The following EIF2D variants were observed in gnomAD, a reference collection of about 807,000 sequenced individuals.
EIF2D encodes the protein hepatocellular carcinoma-associated antigen 56.
A neutral mutation model predicts 77.4 loss-of-function variants in EIF2D; 56 were observed. That is an observed-to-expected ratio of 0.72 (90% CI 0.58 to 0.90). The LOEUF is 0.90. Ranked by LOEUF, EIF2D falls within the 40% of genes least tolerant of loss-of-function variation. The pLI is 0.00. For synonymous variants in EIF2D, 230 were observed against 271.0 expected (o/e 0.85, Z 1.49); for missense variants, 574 against 706.5 (o/e 0.81, Z 2.13).
At position 206,584,321 on chromosome 1, in the gene EIF2D, C is replaced by G; in HGVS notation, c.139-3159G>C. ...GTGGGTGCTGCTGGGGCAATGGCCC[C>G]GAGTGGCAGATATGATCATGCAAGG... On this transcript the variant is annotated intron_variant and NMD_transcript_variant, in intron 2 of 5. Coordinates refer to the EIF2D transcript ENST00000472709. This position sits in a 1 kb window ranked among gnomAD's most constrained non-coding sequence, Gnocchi z 4.9. The G allele has an allele frequency of 6.7e-7, 1 of 1,497,530 alleles. No homozygotes were observed. The highest frequency in any genetic ancestry group is 9.0e-7 in the Non-Finnish European group (1 of 1,108,170). 92.8% of individuals were successfully genotyped at this position (1,497,530 alleles called of 1,614,324 possible).
At chr1:206,583,681 A>G in intron 2 of EIF2D, 1 of 352,976 alleles carries the variant, frequency 2.8e-6, no homozygotes, top group East Asian at 6.7e-5. Context: ...CCAAGGGCCC[A>G]GTATTGCTTG....
chr1:206,583,243 C>G, intron 2 of EIF2D: 1 of 1,469,948 alleles, frequency 6.8e-7, no homozygotes, highest in Non-Finnish European at 9.5e-7. Flanking sequence ...ACTACACATC[C>G]ACCTCCACTT....
downstream of EIF2D, chr1:206,586,799 C>T: frequency 6.3e-7 from 1 of 1,589,230 alleles, no homozygotes; most frequent in Non-Finnish European, 8.6e-7. Flanking sequence ...TCTGTTTCTT[C>T]CCACAAATCT....
At chr1:206,595,525 G>A (rs1423207471) in intron 13 of EIF2D, 193 bp downstream of exon 13, 1 of 482,082 alleles carries the variant, frequency 2.1e-6, no homozygotes, top group Admixed American at 3.8e-5. Context: ...ATCCTAGAGG[G>A]CAGTGAGTGA....
intron 1 of EIF2D, 26 bp downstream of exon 1, chr1:206,612,261 C>A: frequency 1.2e-6 from 2 of 1,614,196 alleles, no homozygotes; most frequent in Non-Finnish European, 1.7e-6. Flanking sequence ...TGTTCCGTGG[C>A]AGAGCAGGCC....
chr1:206,582,299 G>C lies in EIF2D; in HGVS notation c.139-1137C>G, dbSNP rs1572368569. On this transcript the variant is annotated intron_variant and NMD_transcript_variant, in intron 2 of 5. Coordinates refer to the EIF2D transcript ENST00000472709. ...TCATTGTTCACTTATCCTTCCCAGG[G>C]GGTGGGAGGAGGAGGGCATCTGGGA... 3.3e-5 allele frequency among the ~76,000 whole-genome samples: 5 copies of C among 152,274 alleles called. No homozygotes were observed. The South Asian group carries it at 1.0e-3, about 32-fold the overall frequency.
chr1:206,589,729 C>T (rs1558527982), downstream of EIF2D, among the ~76,000 whole-genome samples: 1 of 152,212 alleles, frequency 6.6e-6, no homozygotes, highest in South Asian at 2.1e-4. Context: ...CCAAAACAAA[C>T]AGTCCTTTCA....
chr1:206,597,345 T>C (rs1166065773), intron 11 of EIF2D, 150 bp from the exon 12 acceptor site: 12 of 587,262 alleles, frequency 2.0e-5, no homozygotes, highest in Admixed American at 5.9e-5. Context: ...ATGTACCTTA[T>C]GGGTGGGAGA....
chr1:206,585,254 C>G, intron 2 of EIF2D: 1 of 1,614,160 alleles, frequency 6.2e-7, no homozygotes, highest in African/African-American at 1.3e-5. Context: ...CACGGAGGTC[C>G]TCAGCTTTGT....
At chr1:206,593,506 A>AGTGTGTGTGTGCGTGTGTGT (rs1286437460) in intron 14 of EIF2D, 113 bp downstream of exon 14, 19,134 of 439,026 alleles carry the variant, frequency 0.044, 765 homozygotes, top group Middle Eastern at 0.065. Context: ...AGAGAGAGAG[A>AGTGTGTGTGTGCGTGTGTGT]GAGTGTGTGT....
Position 206,605,485 on chromosome 1 carries a change from C to G in EIF2D, c.445G>C (p.Ala149Pro). ...AGCATCTCAGCTGTGGACATGGCTG[C>G]AACTCCAATGGCTACAGGGGCTCTA... ...GNRAPVAIGV[A>P]AMSTAEMLTS... Residue 149 changes from alanine to proline, a missense_variant, in exon 5 of 15, where the codon GCA becomes CCA. Transcript: ENST00000271764. The G allele has an allele frequency of 1.9e-6, 3 of 1,614,072 alleles. No individual in the cohort carries two copies. The highest frequency in any genetic ancestry group is 2.5e-6 in the Non-Finnish European group (3 of 1,179,978).
chr1:206,583,651 G>C, intron 2 of EIF2D: 1 of 426,276 alleles, frequency 2.3e-6, no homozygotes, highest in Non-Finnish European at 4.4e-6. Flanking sequence ...TAAACTAAGT[G>C]ATTAAACGGT....
At position 206,605,490 on chromosome 1, in the gene EIF2D, C is replaced by A. The variant is rs1182558189; in HGVS notation, c.440G>T (p.Gly147Val). The part of the protein sequence containing the change: ...LVGNRAPVAI[G>V]VAAMSTAEML... ...CTCAGCTGTGGACATGGCTGCAACT[C>A]CAATGGCTACAGGGGCTCTAAGAAG... The change falls in exon 5 of 15, where the codon GGA (glycine) becomes GTA (valine). Residue 147 changes from glycine (G) to valine (V), a missense_variant. Coordinates refer to ENST00000271764, the MANE Select transcript of EIF2D (RefSeq NM_006893.3). The A allele has an allele frequency of 6.2e-7, 1 of 1,613,940 alleles. No individual in the cohort carries two copies. The highest frequency in any genetic ancestry group is 8.5e-7 in the Non-Finnish European group (1 of 1,179,984).
intron 7 of EIF2D, 31 bp downstream of exon 7, chr1:206,602,305 G>C: frequency 6.3e-7 from 1 of 1,590,962 alleles, no homozygotes; most frequent in East Asian, 2.2e-5. Flanking sequence ...CCCCGGCCCC[G>C]GCCTCCAGCC....
intron 4 of EIF2D, among the ~76,000 whole-genome samples, chr1:206,607,903 C>G (rs1670276805): frequency 6.6e-6 from 1 of 152,062 alleles, no homozygotes; most frequent in Non-Finnish European, 1.5e-5. Context: ...ATGTAAGAGG[C>G]TACCATTAGA....
Position 206,599,962 on chromosome 1 carries a change from AAC to A in EIF2D, c.949-128_949-127del, listed in dbSNP as rs1358666538. The stretch of plus-strand genomic sequence containing the variant: ...ATATGAGACAGCCCCTGCCTTCATC[AAC>A]CAGGAACTGGGAGGCCCCCAACCTG... On this transcript the variant is annotated intron_variant, in intron 8 of 14. Coordinates refer to ENST00000271764, the MANE Select transcript of EIF2D (RefSeq NM_006893.3). The surrounding 1 kb of genome is among the most constrained non-coding windows in gnomAD (Gnocchi z 4.1). 7 of 943,876 alleles carry A rather than the reference AAC, an allele frequency of 7.4e-6. No homozygotes were observed. The highest frequency in any genetic ancestry group is 1.1e-5 in the Non-Finnish European group (7 of 634,244). The allele number at this position is 943,876 out of a possible 1,614,324, so 58.5% of individuals were successfully genotyped here.
chr1:206,593,656 C>T lies in EIF2D; in HGVS notation c.1647G>A (p.Gln549=). The part of the protein sequence containing the change: ...GAKDSLQVQI[Q]GNQVHHLGWL... ...AGCCGAGGTGGTGGACCTGGTTTCCCTGGATCTGCACCTGAAGGCTGTCCT... is the reference window on the plus strand; with the variant it reads ...AGCCGAGGTGGTGGACCTGGTTTCCTTGGATCTGCACCTGAAGGCTGTCCT... The change falls in exon 14 of 15, where the codon CAG becomes CAA. Residue 549 remains glutamine (Q), a synonymous_variant. Coordinates refer to ENST00000271764, the MANE Select transcript of EIF2D (RefSeq NM_006893.3). 1.2e-6 allele frequency: 2 copies of T among 1,612,458 alleles called. No individual in the cohort carries two copies. The highest frequency in any genetic ancestry group is 1.7e-6 in the Non-Finnish European group (2 of 1,178,724).
downstream of EIF2D, chr1:206,587,489 C>G (rs1295425966): frequency 5.8e-6 from 1 of 173,368 alleles, no homozygotes; most frequent in East Asian, 1.7e-4. Context: ...GGACTGTTCC[C>G]GCGGCCCCAA....
chr1:206,598,516 A>G (rs563333853), intron 11 of EIF2D, among the ~76,000 whole-genome samples: 1 of 152,308 alleles, frequency 6.6e-6, no homozygotes, highest in African/African-American at 2.4e-5. Context: ...GTGTATGTCA[A>G]AATAGCTAGA....
Sources: gnomAD v4.1 joint callset for allele counts (sites outside exome capture counted in the v4.1 genomes callset) on GRCh38, gnomAD v4.1.1 for gene constraint, Gnocchi (gnomAD v3.1) non-coding constraint, MANE v1.5 for transcripts, NCBI Gene and HGNC (gene_info 2026-07-23, HGNC 2026-07-21) for gene names.